The following ZBTB24 variants were observed in gnomAD, a reference collection of about 807,000 sequenced individuals.
ZBTB24 encodes zinc finger and BTB domain-containing protein 24.
ZBTB24 carries 32 observed loss-of-function variants against 53.8 expected under a neutral mutation model. The observed-to-expected ratio is 0.60, with a 90% CI of 0.45 to 0.80. The LOEUF (loss-of-function observed/expected upper bound fraction) is 0.80. Ranked by LOEUF, ZBTB24 falls within the 30% of genes least tolerant of loss-of-function variation. The pLI is 0.00. For missense variants in ZBTB24, 722 were observed against 837.1 expected (o/e 0.86, Z 1.70); for synonymous variants, 297 against 306.7 (o/e 0.97, Z 0.33).
chr6:109,474,528 C>G (rs765910697), intron 5 of ZBTB24, among the ~76,000 whole-genome samples: 1 of 152,070 alleles, frequency 6.6e-6, no homozygotes. Context: ...GTCAAGAGAT[C>G]GAGACCATCC....
chr6:109,478,771 A>C (rs1260333058), intron 2 of ZBTB24, among the ~76,000 whole-genome samples: 1 of 152,102 alleles, frequency 6.6e-6, no homozygotes, highest in Non-Finnish European at 1.5e-5. Flanking sequence ...TATGATTTAA[A>C]AAAAAAACAC....
chr6:109,481,012 A>G (rs778597969), intron 2 of ZBTB24, 63 bp downstream of exon 2: 29 of 1,509,150 alleles, frequency 1.9e-5, no homozygotes, highest in Non-Finnish European at 2.5e-5. Flanking sequence ...AATGGAAGCT[A>G]TTATTATCAT....
rs551884730 is a variant in ZBTB24, at chr6:109,465,595, T to C, written c.*256A>G. 108 of 1,494,624 alleles carry C rather than the reference T, an allele frequency of 7.2e-5. No individual in the cohort carries two copies. Among genetic ancestry groups the C allele is most frequent in the Non-Finnish European group, 8.9e-5 (99 of 1,112,612 alleles). 92.6% of individuals were successfully genotyped at this position (1,494,624 alleles called of 1,614,324 possible). A position where few individuals can be genotyped will look rare whatever the true frequency, so the allele number is the denominator to read the frequency against. ...CCCCCAAAGAAAAACTACCCGAGTC[T>C]TTATGAGACATTGCAGATTAAAATG... is the stretch of plus-strand genomic sequence containing the variant. On this transcript the variant is annotated 3_prime_UTR_variant, in exon 7 of 7. Transcript: ENST00000230122.
chr6:109,482,954 CA>C (rs1776464869), intron 1 of ZBTB24, 143 bp downstream of exon 1: 1 of 152,226 alleles, frequency 6.6e-6, no homozygotes, highest in Non-Finnish European at 1.5e-5. Flanking sequence ...GTGGTCCCAG[CA>C]GGGAGAGGTG....
intron 2 of ZBTB24, among the ~76,000 whole-genome samples, chr6:109,479,060 TATAAG>T (rs1462436717): frequency 2.6e-5 from 4 of 151,424 alleles, no homozygotes; most frequent in Admixed American, 6.6e-5. Context: ...TGATGGAAAA[TATAAG>T]AGAAAATAAA....
In ZBTB24 at chr6:109,481,146, G is replaced by C; in HGVS notation, c.881C>G (p.Ala294Gly). Residue 294 changes from alanine to glycine, a missense_variant, in exon 2 of 7, where the codon GCC (alanine) becomes GGC (glycine). Transcript: ENST00000230122. ...GRRKRPGGPE[A>G]RCKDCGKVFK... Reference sequence around the variant, plus strand: ...GACCTTGCCACAGTCTTTACAGCGGGCCTCAGGGCCTCCAGGGCGCTTTCT... The same window carrying C: ...GACCTTGCCACAGTCTTTACAGCGGCCCTCAGGGCCTCCAGGGCGCTTTCT... 1 of 1,614,172 alleles carries C rather than the reference G, an allele frequency of 6.2e-7. No homozygotes were observed. Among genetic ancestry groups the C allele is most frequent in the African/African-American group, 1.3e-5 (1 of 75,018 alleles).
At chr6:109,470,899 C>T (rs1441415445) in intron 5 of ZBTB24, among the ~76,000 whole-genome samples, 4 of 152,186 alleles carry the variant, frequency 2.6e-5, no homozygotes, top group South Asian at 4.1e-4. Flanking sequence ...AAAGCCACAC[C>T]ACCATTTTAA....
intron 2 of ZBTB24, among the ~76,000 whole-genome samples, chr6:109,480,284 G>T (rs1776374109): frequency 6.6e-6 from 1 of 152,186 alleles, no homozygotes; most frequent in Middle Eastern, 3.2e-3. Flanking sequence ...AAAGCAGAGT[G>T]GGTTTTAAGC....
chr6:109,466,514 T>G lies in ZBTB24; in HGVS notation c.1431A>C (p.Lys477Asn), dbSNP rs1776046960. 1 of 1,614,006 alleles carries G rather than the reference T, an allele frequency of 6.2e-7. No homozygotes were observed. Among genetic ancestry groups the G allele is most frequent in the African/African-American group, 1.3e-5 (1 of 75,040 alleles). Residue 477 changes from lysine to asparagine, a missense_variant, in exon 7 of 7, where the codon AAA becomes AAC. Transcript: ENST00000230122. ...CGKSFSDSSA[K>N]RRHCILHTGK... ...CAGTGTGTAGAATGCAGTGTCTCCT[T>G]TTGGCACTGGAGTCAGAGAAGGATT...
At position 109,481,874 on chromosome 6, in the gene ZBTB24, G is replaced by A. The variant is rs779449540; in HGVS notation, c.153C>T (p.His51=). The A allele has an allele frequency of 4.3e-6, 7 of 1,614,028 alleles. No individual in the cohort carries two copies. The East Asian group carries it at 6.7e-5, about 15-fold the overall frequency. ...LIVENVHFRA[H]KALLAASSEY... is the part of the protein sequence containing the mutation. The stretch of plus-strand genomic sequence containing the variant: ...CACTACTGGCAGCAAGTAAGGCTTT[G>A]TGGGCCCGGAAATGTACATTCTCCA... The change falls in exon 2 of 7, where the codon CAC becomes CAT. Residue 51 remains histidine (H), a synonymous_variant. Coordinates refer to ENST00000230122, the MANE Select transcript of ZBTB24 (RefSeq NM_014797.3).
intron 5 of ZBTB24, 105 bp from the exon 6 acceptor site, chr6:109,467,839 T>C (rs1268561014): frequency 7.6e-7 from 1 of 1,317,908 alleles, no homozygotes; most frequent in Non-Finnish European, 1.0e-6. Context: ...TTTCACAATA[T>C]AAACAGAACA....
intron 2 of ZBTB24, among the ~76,000 whole-genome samples, chr6:109,480,345 C>T (rs577755760): frequency 3.0e-4 from 45 of 152,286 alleles, no homozygotes; most frequent in Non-Finnish European, 5.4e-4. Flanking sequence ...ACTGCAGTGT[C>T]CAATACGGTA....
At chr6:109,466,712 C>T (rs1460312156) in intron 6 of ZBTB24, 138 bp from the exon 7 acceptor site, 1 of 1,225,912 alleles carries the variant, frequency 8.2e-7, no homozygotes, top group Non-Finnish European at 1.1e-6. Flanking sequence ...CCTACTAATT[C>T]AAGGACTTGA....
chr6:109,481,586 C>A lies in ZBTB24; in HGVS notation c.441G>T (p.Val147=). The A allele has an allele frequency of 2.5e-6, 4 of 1,614,148 alleles. No individual in the cohort carries two copies. Among genetic ancestry groups the A allele is most frequent in the Non-Finnish European group, 2.5e-6 (3 of 1,180,038 alleles). ...CGTTTTTCTTATTAGAGATAACAAC[C>A]ACTGGGGCACCAGCAGTGTTCAAAG... ...PTTLNTAGAP[V]VVISNKKNDP... Residue 147 remains valine, a synonymous_variant, in exon 2 of 7, where the codon GTG becomes GTT. Transcript: ENST00000230122.
In ZBTB24 at chr6:109,481,898, C is replaced by G; in HGVS notation, c.129G>C (p.Val43=). The part of the protein sequence containing the change: ...KGFLCDITLI[V]ENVHFRAHKA... Reference sequence around the variant, plus strand: ...TGTGGGCCCGGAAATGTACATTCTCCACGATTAAAGTAATGTCACAGAGGA... The same window carrying G: ...TGTGGGCCCGGAAATGTACATTCTCGACGATTAAAGTAATGTCACAGAGGA... Residue 43 remains valine, a synonymous_variant, in exon 2 of 7, where the codon GTG becomes GTC. Coordinates refer to ENST00000230122, the MANE Select transcript of ZBTB24 (RefSeq NM_014797.3). 6.2e-7 allele frequency: 1 copy of G among 1,614,180 alleles called. No individual in the cohort carries two copies. The highest frequency in any genetic ancestry group is 8.5e-7 in the Non-Finnish European group (1 of 1,180,046).
rs1775950117 is a variant in ZBTB24 at position 109,463,365 on chromosome 6, C to T, written c.*2486G>A. On this transcript the variant is annotated 3_prime_UTR_variant, in exon 7 of 7. Transcript: ENST00000230122. ...GCTAGATTAACAAAGCTATCATTTCCTTGTTTCTCTTTGACAGCTGGTCAA... is the reference window on the plus strand; with the variant it reads ...GCTAGATTAACAAAGCTATCATTTCTTTGTTTCTCTTTGACAGCTGGTCAA... 1 of 152,182 alleles carries T rather than the reference C, an allele frequency of 6.6e-6. No individual in the cohort carries two copies. The highest frequency in any genetic ancestry group is 2.4e-5 in the African/African-American group (1 of 41,438). 9.4% of individuals were successfully genotyped at this position (152,182 alleles called of 1,614,324 possible). A position where few individuals can be genotyped will look rare whatever the true frequency, so the allele number is the denominator to read the frequency against.
At chr6:109,476,152 T>TA (rs1348521394) in intron 4 of ZBTB24, 23 bp downstream of exon 4, 1 of 1,612,180 alleles carries the variant, frequency 6.2e-7, no homozygotes, top group South Asian at 1.1e-5. Flanking sequence ...CCCCCCAATC[T>TA]AAATGTTCTC....
intron 5 of ZBTB24, among the ~76,000 whole-genome samples, chr6:109,470,804 A>G (rs1776149567): frequency 6.6e-6 from 1 of 152,242 alleles, no homozygotes; most frequent in South Asian, 2.1e-4. Context: ...CCAGTTAACA[A>G]TGGCGAATAT....
chr6:109,465,545 C>T lies in ZBTB24; in HGVS notation c.*306G>A. 1 of 1,117,276 alleles carries T rather than the reference C, an allele frequency of 9.0e-7. No individual in the cohort carries two copies. The highest frequency in any genetic ancestry group is 2.6e-5 in the East Asian group (1 of 38,946). The allele number at this position is 1,117,276 out of a possible 1,614,324, so 69.2% of individuals were successfully genotyped here. ...TAACCTATGGCTGTGAACATTTAAA[C>T]CTTACAGAAAAACTGAGATCAATGC... is the stretch of plus-strand genomic sequence containing the variant. On this transcript the variant is annotated 3_prime_UTR_variant, in exon 7 of 7. Transcript: ENST00000230122.
Sources: gnomAD v4.1 joint callset for allele counts (sites outside exome capture counted in the v4.1 genomes callset) on GRCh38, gnomAD v4.1.1 for gene constraint, MANE v1.5 for transcripts, NCBI Gene and HGNC (gene_info 2026-07-23, HGNC 2026-07-21) for gene names.